THADA: variants seen among roughly 807,000 people sequenced by gnomAD.
THADA encodes the protein THADA armadillo repeat containing.
A neutral mutation model predicts 219.8 loss-of-function variants in THADA; 213 were observed. The observed-to-expected ratio is 0.97, with a 90% CI of 0.87 to 1.09. The LOEUF is 1.09. Among genes scored for constraint, THADA ranks in the 50% least tolerant of loss-of-function variants. The probability of loss-of-function intolerance (pLI) is 0.00; values close to 1 mark genes in which losing one functional copy is unlikely to be tolerated. For missense variants in THADA, 2,956 were observed against 2,311.3 expected (o/e 1.28, Z -5.72); for synonymous variants, 1,018 against 828.9 (o/e 1.23, Z -3.92).
chr2:43,366,863 C>G (rs931054361), intron 29 of THADA, among the ~76,000 whole-genome samples: 1 of 152,112 alleles, frequency 6.6e-6, no homozygotes, highest in African/African-American at 2.4e-5. Flanking sequence ...TCATGTACAG[C>G]AGATTGTACA....
intron 29 of THADA, 23 bp from the exon 30 acceptor site, chr2:43,344,260 AT>A: frequency 6.6e-7 from 1 of 1,512,574 alleles, no homozygotes; most frequent in Non-Finnish European, 9.0e-7. Flanking sequence ...AGAAAAAAAA[AT>A]CCTGCTGTGA....
chr2:43,273,724 G>C (rs1322564540), intron 36 of THADA, among the ~76,000 whole-genome samples: 1 of 152,112 alleles, frequency 6.6e-6, no homozygotes, highest in Non-Finnish European at 1.5e-5. Flanking sequence ...TTTGCTGACT[G>C]AGCTGTCTCA....
intron 36 of THADA, among the ~76,000 whole-genome samples, chr2:43,243,179 G>T (rs993733971): frequency 1.3e-5 from 2 of 152,160 alleles, no homozygotes; most frequent in Non-Finnish European, 2.9e-5. Context: ...CAGCCAGAGG[G>T]GTGGGAAGGG....
At chr2:43,338,097 G>C (rs1666675366) in intron 30 of THADA, among the ~76,000 whole-genome samples, 1 of 150,868 alleles carries the variant, frequency 6.6e-6, no homozygotes, top group South Asian at 2.1e-4. Flanking sequence ...CCATTTTTGA[G>C]TGTACAGTTT....
At chr2:43,449,839 T>C (rs1032276611) in intron 26 of THADA, among the ~76,000 whole-genome samples, 1 of 152,076 alleles carries the variant, frequency 6.6e-6, no homozygotes, top group African/African-American at 2.4e-5. Context: ...CTTATAAACT[T>C]TGGAGGCTAG....
chr2:43,573,035 A>C (rs11898207), intron 11 of THADA, 43 bp from the exon 12 acceptor site: 6 of 1,451,090 alleles, frequency 4.1e-6, no homozygotes, highest in Non-Finnish European at 5.6e-6. Context: ...TTATGCAATG[A>C]CTACTATAAT....
chr2:43,404,451 C>T (rs1270327512), intron 28 of THADA, among the ~76,000 whole-genome samples: 2 of 151,546 alleles, frequency 1.3e-5, no homozygotes, highest in South Asian at 2.1e-4. Flanking sequence ...CTCTGGCATC[C>T]CAGAGTGCTG....
chr2:43,255,823 G>A (rs1401450475), intron 36 of THADA, among the ~76,000 whole-genome samples: 2 of 152,204 alleles, frequency 1.3e-5, no homozygotes, highest in African/African-American at 2.4e-5. Context: ...CAGGCCCCGG[G>A]TGGGTGAGGC....
intron 33 of THADA, 65 bp downstream of exon 33, chr2:43,292,039 A>G: frequency 2.7e-6 from 3 of 1,121,262 alleles, no homozygotes; most frequent in Non-Finnish European, 3.8e-6. Flanking sequence ...GTGCAAGTTC[A>G]TTACATAATG....
chr2:43,386,726 T>A (rs1672733361), intron 29 of THADA, among the ~76,000 whole-genome samples: 2 of 152,044 alleles, frequency 1.3e-5, no homozygotes, highest in Admixed American at 1.3e-4. Flanking sequence ...AAACCCCATC[T>A]CTACTAAAAC....
intron 15 of THADA, chr2:43,563,364 G>A (rs1268271594): frequency 6.6e-6 from 1 of 152,104 alleles, no homozygotes; most frequent in East Asian, 1.9e-4. Flanking sequence ...ACTGTATGAA[G>A]CCACTAACAC....
At chr2:43,332,088 T>A (rs1665854513) in intron 30 of THADA, among the ~76,000 whole-genome samples, 2 of 152,170 alleles carry the variant, frequency 1.3e-5, no homozygotes, top group Non-Finnish European at 2.9e-5. Flanking sequence ...ATTAATCTTA[T>A]TATTATTATT....
At position 43,552,228 on chromosome 2, in the gene THADA, C is replaced by T. The variant is rs550605047; in HGVS notation, c.2786G>A (p.Gly929Glu). 282 of 1,609,836 alleles carry T rather than the reference C, an allele frequency of 1.8e-4. 1 individual carries two copies. In the South Asian group the frequency reaches 3.0e-3, roughly 17 times the overall value. Residue 929 changes from glycine to glutamate, a missense_variant, in exon 18 of 38, where the codon GGA (glycine) becomes GAA (glutamate). By Grantham distance (98) the Gly-to-Glu change is moderately conservative. Coordinates refer to ENST00000405975, the MANE Select transcript of THADA (RefSeq NM_022065.5). Reference protein sequence around the residue: ...PMYGRVHCITGALQKLSLNSL... With the variant: ...PMYGRVHCITEALQKLSLNSL... The stretch of plus-strand genomic sequence containing the variant: ...CTTTAGAGATAACTTCTGCAAAGCT[C>T]CTGTTATACAGTGGACTCGCCCATA...
chr2:43,523,194 A>T (rs1407231890), intron 22 of THADA, among the ~76,000 whole-genome samples: 1 of 151,920 alleles, frequency 6.6e-6, no homozygotes, highest in Non-Finnish European at 1.5e-5. Context: ...GCGAAACCCC[A>T]TCTCTACAAA....
At chr2:43,463,407 A>T (rs578259212) in intron 26 of THADA, 1 of 152,186 alleles carries the variant, frequency 6.6e-6, no homozygotes, top group African/African-American at 2.4e-5. Flanking sequence ...GCATTCAACT[A>T]CCGTATTTAT....
intron 28 of THADA, among the ~76,000 whole-genome samples, chr2:43,411,372 G>A (rs967682688): frequency 1.3e-5 from 2 of 152,180 alleles, no homozygotes; most frequent in Non-Finnish European, 1.5e-5. Flanking sequence ...AAGGACACTT[G>A]ACAGCTCCAA....
chr2:43,519,275 CTT>C (rs1692117237), intron 22 of THADA, among the ~76,000 whole-genome samples: 1 of 152,064 alleles, frequency 6.6e-6, no homozygotes, highest in Non-Finnish European at 1.5e-5. Context: ...AATCAATAAA[CTT>C]TTGTTAAACT....
intron 36 of THADA, among the ~76,000 whole-genome samples, chr2:43,256,561 G>A (rs902203713): frequency 6.6e-6 from 1 of 151,324 alleles, no homozygotes; most frequent in Non-Finnish European, 1.5e-5. Flanking sequence ...ACAGGCACAT[G>A]CTACCATTCC....
At chr2:43,460,564 C>A (rs747428590) in intron 26 of THADA, among the ~76,000 whole-genome samples, 1 of 152,146 alleles carries the variant, frequency 6.6e-6, no homozygotes, top group Non-Finnish European at 1.5e-5. Flanking sequence ...GAGACATGCA[C>A]CAATCAATCA....
Sources: gnomAD v4.1 joint callset for allele counts (sites outside exome capture counted in the v4.1 genomes callset) on GRCh38, gnomAD v4.1.1 for gene constraint, MANE v1.5 for transcripts, NCBI Gene and HGNC (gene_info 2026-07-23, HGNC 2026-07-21) for gene names.